The following GABRG3 variants were observed in gnomAD, a reference collection of about 807,000 sequenced individuals.
GABRG3 encodes the protein gamma-aminobutyric acid receptor subunit gamma-3.
GABRG3 carries 25 observed loss-of-function variants against 48.8 expected under a neutral mutation model. The ratio of observed to expected loss-of-function variants is 0.51; its 90% CI spans 0.37 to 0.72. The LOEUF (loss-of-function observed/expected upper bound fraction) is 0.72. Ranked by LOEUF, GABRG3 falls within the 30% of genes least tolerant of loss-of-function variation. GABRG3 has a pLI of 0.00. For missense variants in GABRG3, 394 were observed against 577.9 expected (o/e 0.68, Z 3.26); for synonymous variants, 227 against 217.6 (o/e 1.04, Z -0.38).
chr15:27,458,209 C>T (rs1052928839), intron 5 of GABRG3, among the ~76,000 whole-genome samples: 3 of 152,192 alleles, frequency 2.0e-5, no homozygotes, highest in African/African-American at 4.8e-5. Context: ...CACCAAAAGG[C>T]GGCTTGTAGG....
intron 3 of GABRG3, among the ~76,000 whole-genome samples, chr15:27,176,037 AAAAAAGAAAG>A (rs966227434): frequency 6.6e-6 from 1 of 152,016 alleles, no homozygotes; most frequent in African/African-American, 2.4e-5. Context: ...GGAAAAAAAA[AAAAAAGAAAG>A]AAAAAAGAAA....
chr15:27,487,649 C>T (rs1454122718), intron 6 of GABRG3, among the ~76,000 whole-genome samples: 1 of 152,120 alleles, frequency 6.6e-6, no homozygotes, highest in African/African-American at 2.4e-5. Flanking sequence ...ACAGTACATC[C>T]CCTGGCATGG....
chr15:27,367,013 G>A, intron 5 of GABRG3, among the ~76,000 whole-genome samples: 1 of 152,134 alleles, frequency 6.6e-6, no homozygotes, highest in East Asian at 1.9e-4. Context: ...TTGGACAGTG[G>A]GTCCCCCAGA....
chr15:27,121,727 C>T (rs1897735277), intron 3 of GABRG3, among the ~76,000 whole-genome samples: 1 of 152,162 alleles, frequency 6.6e-6, no homozygotes, highest in Admixed American at 6.5e-5. Flanking sequence ...GTTTCCACCA[C>T]AATATTATAC....
Position 27,447,938 on chromosome 15 carries a change from C to T in GABRG3, c.575-32712C>T, listed in dbSNP as rs943018229. 2.0e-5 allele frequency among the ~76,000 whole-genome samples: 3 copies of T among 152,026 alleles called. No individual in the cohort carries two copies. The highest frequency in any genetic ancestry group is 4.4e-5 in the Non-Finnish European group (3 of 68,014). On this transcript the variant is annotated intron_variant, in intron 5 of 9. Coordinates refer to ENST00000615808, the MANE Select transcript of GABRG3 (RefSeq NM_033223.5). This position sits in a 1 kb window ranked among gnomAD's most constrained non-coding sequence, Gnocchi z 4.0. The stretch of plus-strand genomic sequence containing the variant: ...ATGGGTGCAGCAAACCACCATGGCA[C>T]GTGTATACCTATGTAGCAAACCTGT...
chr15:27,444,083 A>C lies in GABRG3; in HGVS notation c.575-36567A>C, dbSNP rs1427362608. ...TCTTGAAATATCATTATCTGGTTCTAGTGTCATGGCAATGCTATCCTCACA... is the reference window on the plus strand; with the variant it reads ...TCTTGAAATATCATTATCTGGTTCTCGTGTCATGGCAATGCTATCCTCACA... On this transcript the variant is annotated intron_variant, in intron 5 of 9. Coordinates refer to ENST00000615808, the MANE Select transcript of GABRG3 (RefSeq NM_033223.5). 2.6e-5 allele frequency among the ~76,000 whole-genome samples: 4 copies of C among 152,146 alleles called. 1 individual carries two copies. The highest frequency in any genetic ancestry group is 5.9e-5 in the Non-Finnish European group (4 of 68,006).
At chr15:27,032,541 G>A (rs1169139055) in intron 3 of GABRG3, among the ~76,000 whole-genome samples, 1 of 152,166 alleles carries the variant, frequency 6.6e-6, no homozygotes, top group Non-Finnish European at 1.5e-5. Flanking sequence ...GGTGAAGGGG[G>A]AGCCAGCTTG....
chr15:27,291,473 A>G (rs1891791502), intron 3 of GABRG3, among the ~76,000 whole-genome samples: 1 of 152,188 alleles, frequency 6.6e-6, no homozygotes, highest in Non-Finnish European at 1.5e-5. Context: ...AATCATTCCC[A>G]TCTATGATCA....
chr15:27,129,335 A>T (rs139699775), intron 3 of GABRG3, among the ~76,000 whole-genome samples: 127 of 152,322 alleles, frequency 8.3e-4, no homozygotes, highest in African/African-American at 2.9e-3. Context: ...CTGTTTAATT[A>T]CATTTAGCAT....
chr15:27,503,397 C>A (rs868042257), intron 6 of GABRG3, among the ~76,000 whole-genome samples: 2 of 152,188 alleles, frequency 1.3e-5, no homozygotes, highest in Admixed American at 6.5e-5. Flanking sequence ...TATACCACAC[C>A]CACTTTGCTC....
At chr15:27,482,383 TG>T (rs1389920413) in intron 6 of GABRG3, among the ~76,000 whole-genome samples, 3 of 152,136 alleles carry the variant, frequency 2.0e-5, no homozygotes, top group Non-Finnish European at 4.4e-5. Context: ...TGTTGTTGCG[TG>T]TGTGCTTTTC....
chr15:27,127,016 C>T (rs138460787), intron 3 of GABRG3, among the ~76,000 whole-genome samples: 127 of 152,194 alleles, frequency 8.3e-4, no homozygotes, highest in African/African-American at 2.7e-3. Context: ...TAATAGTATA[C>T]ATTGCTGGGT....
At chr15:27,475,232 A>G (rs772437054) in intron 5 of GABRG3, among the ~76,000 whole-genome samples, 1 of 152,146 alleles carries the variant, frequency 6.6e-6, no homozygotes, top group Non-Finnish European at 1.5e-5. Context: ...GATGGACACT[A>G]GAGTCATACA....
At chr15:27,002,180 C>T (rs1940694409) in intron 2 of GABRG3, among the ~76,000 whole-genome samples, 1 of 152,192 alleles carries the variant, frequency 6.6e-6, no homozygotes, top group African/African-American at 2.4e-5. Flanking sequence ...TTACATCACT[C>T]ATTGTATAAC....
chr15:27,137,073 A>G (rs986158220), intron 3 of GABRG3, among the ~76,000 whole-genome samples: 1 of 152,194 alleles, frequency 6.6e-6, no homozygotes, highest in Non-Finnish European at 1.5e-5. Flanking sequence ...GTACCTGCCT[A>G]TAAAAGGTTC....
At chr15:27,201,152 T>A (rs1888667445) in intron 3 of GABRG3, among the ~76,000 whole-genome samples, 1 of 151,976 alleles carries the variant, frequency 6.6e-6, no homozygotes, top group South Asian at 2.1e-4. Context: ...AATAAACCAT[T>A]CTCTGTTGAG....
intron 3 of GABRG3, among the ~76,000 whole-genome samples, chr15:27,278,647 A>T (rs1472652588): frequency 6.6e-6 from 1 of 152,040 alleles, no homozygotes; most frequent in Non-Finnish European, 1.5e-5. Flanking sequence ...TTTAATCCTG[A>T]AGAGTATTGC....
At chr15:27,376,205 G>A (rs1215981429) in intron 5 of GABRG3, among the ~76,000 whole-genome samples, 4 of 152,194 alleles carry the variant, frequency 2.6e-5, no homozygotes, top group African/African-American at 9.6e-5. Flanking sequence ...TCATGCAAGA[G>A]GTAGACTCCC....
At chr15:27,483,980 G>A (rs193206843) in intron 6 of GABRG3, among the ~76,000 whole-genome samples, 19 of 151,830 alleles carry the variant, frequency 1.3e-4, no homozygotes, top group African/African-American at 2.7e-4. Context: ...TGCTACCCAC[G>A]CTGGAGTGCA....
Sources: allele counts gnomAD v4.1 joint callset (sites outside exome capture counted in the v4.1 genomes callset), GRCh38; gene constraint gnomAD v4.1.1; non-coding constraint Gnocchi (gnomAD v3.1); transcripts MANE v1.5; gene names NCBI Gene and HGNC (gene_info 2026-07-23, HGNC 2026-07-21).